Variants in PDE4D observed in about 807,000 individuals in gnomAD.
The protein encoded by PDE4D is phosphodiesterase 4D, also known as 3',5'-cyclic-AMP phosphodiesterase 4D.
PDE4D carries 24 observed loss-of-function variants against 87.4 expected under a neutral mutation model. The ratio of observed to expected loss-of-function variants is 0.27; its 90% confidence interval spans 0.20 to 0.39. The LOEUF is 0.39. Among genes scored for constraint, PDE4D ranks in the 10% least tolerant of loss-of-function variants. PDE4D has a pLI of 1.00. For missense variants in PDE4D, 714 were observed against 1,041.0 expected (o/e 0.69, Z 4.32); for synonymous variants, 384 against 383.2 (o/e 1.00, Z -0.02).
At chr5:59,837,869 C>G (rs1474871393) in intron 1 of PDE4D, among the ~76,000 whole-genome samples, 1 of 152,012 alleles carries the variant, frequency 6.6e-6, no homozygotes, top group African/African-American at 2.4e-5. Flanking sequence ...TGAACTCATT[C>G]TTCTATACAT....
At chr5:60,510,754 G>A (rs1461923431) in intron 1 of PDE4D, among the ~76,000 whole-genome samples, 2 of 152,124 alleles carry the variant, frequency 1.3e-5, no homozygotes, top group Non-Finnish European at 2.9e-5. Context: ...GATAATTTCT[G>A]GAAAAAGTAT....
intron 6 of PDE4D, among the ~76,000 whole-genome samples, chr5:59,008,033 T>C (rs1225086854): frequency 6.6e-6 from 1 of 152,054 alleles, no homozygotes; most frequent in Non-Finnish European, 1.5e-5. Context: ...TTGATACAGT[T>C]TGAATTCATA....
At chr5:59,940,985 C>T (rs1757116259) in intron 3 of PDE4D, among the ~76,000 whole-genome samples, 1 of 152,036 alleles carries the variant, frequency 6.6e-6, no homozygotes. Flanking sequence ...TGTTTCTTTC[C>T]ATGCTTTGTG....
intron 6 of PDE4D, among the ~76,000 whole-genome samples, chr5:59,035,798 A>G (rs1280125071): frequency 6.6e-6 from 1 of 152,170 alleles, no homozygotes; most frequent in East Asian, 1.9e-4. Context: ...ATTACCCTCA[A>G]TTGTAGCAAT....
At position 60,136,287 on chromosome 5, in the gene PDE4D, A is replaced by G. The variant is rs144175877; in HGVS notation, c.42+49270T>C. Among the ~76,000 whole-genome samples the G allele has an allele frequency of 3.7e-4, 56 of 151,384 alleles. No individual in the cohort carries two copies. In the East Asian group the frequency reaches 0.01, roughly 28 times the overall value. On this transcript the variant is annotated intron_variant, in intron 2 of 16. Transcript: ENST00000502484. The stretch of plus-strand genomic sequence containing the variant: ...AAGAAATTAACCTTTCTTTCCTGTT[A>G]GATTGTGTCTTGTTATTTCTGGACT...
intron 5 of PDE4D, among the ~76,000 whole-genome samples, chr5:59,045,320 G>A (rs939842388): frequency 5.3e-5 from 8 of 152,132 alleles, no homozygotes; most frequent in South Asian, 2.1e-4. Flanking sequence ...TTGGGAGGCC[G>A]AGGTGGGTGG....
At chr5:60,047,377 C>T (rs1010982527) in intron 2 of PDE4D, among the ~76,000 whole-genome samples, 34 of 152,060 alleles carry the variant, frequency 2.2e-4, no homozygotes, top group Admixed American at 1.3e-3. Context: ...TTCAGTTCTG[C>T]TCTGATTTTA....
At chr5:60,317,092 A>T (rs1267119243) in intron 1 of PDE4D, among the ~76,000 whole-genome samples, 1 of 152,194 alleles carries the variant, frequency 6.6e-6, no homozygotes, top group East Asian at 1.9e-4. Flanking sequence ...CTCTGGTAGA[A>T]TTCAGCTGTG....
chr5:59,812,241 T>G (rs954449586), intron 1 of PDE4D, among the ~76,000 whole-genome samples: 4 of 152,214 alleles, frequency 2.6e-5, no homozygotes, highest in African/African-American at 4.8e-5. Context: ...TCTCCTTTTA[T>G]CTACTACCGC....
intron 1 of PDE4D, among the ~76,000 whole-genome samples, chr5:60,463,390 A>G (rs546648013): frequency 6.6e-6 from 1 of 152,106 alleles, no homozygotes; most frequent in Non-Finnish European, 1.5e-5. Context: ...ACACACACAC[A>G]CAATTTCTAC....
At chr5:59,783,232 T>G (rs988043102) in intron 1 of PDE4D, among the ~76,000 whole-genome samples, 1 of 152,170 alleles carries the variant, frequency 6.6e-6, no homozygotes, top group Admixed American at 6.5e-5. Context: ...TTTTATAAAT[T>G]TCAGTGCCTG....
intron 3 of PDE4D, among the ~76,000 whole-genome samples, chr5:59,921,721 T>C (rs1417962717): frequency 2.6e-5 from 4 of 152,208 alleles, no homozygotes; most frequent in African/African-American, 9.7e-5. Flanking sequence ...TAAGGAAGTC[T>C]GGTTTATCAA....
At chr5:59,271,742 A>C (rs1032694615) in intron 1 of PDE4D, among the ~76,000 whole-genome samples, 1 of 152,122 alleles carries the variant, frequency 6.6e-6, no homozygotes, top group Admixed American at 6.6e-5. Flanking sequence ...ATTGTGGTTT[A>C]ATGTCTAAGT....
chr5:59,512,952 C>G lies in PDE4D; in HGVS notation c.456-296984G>C, dbSNP rs543210337. 3.9e-5 allele frequency among the ~76,000 whole-genome samples: 6 copies of G among 152,138 alleles called. No individual in the cohort carries two copies. The South Asian group carries it at 1.2e-3, about 32-fold the overall frequency. ...TATAAGATTCCAATATTTTATTTGA[C>G]TATACAGTTTAGGTTGTTTTTCCCA... On this transcript the variant is annotated intron_variant, in intron 1 of 14. Transcript: ENST00000340635.
At chr5:59,750,095 TTTTTTTTTTA>T (rs1050482504) in intron 1 of PDE4D, among the ~76,000 whole-genome samples, 1 of 151,658 alleles carries the variant, frequency 6.6e-6, no homozygotes, top group African/African-American at 2.4e-5. Flanking sequence ...TTTTTTTTTT[TTTTTTTTTTA>T]ACTACTTTTA....
chr5:60,316,172 G>A (rs1001602890), intron 1 of PDE4D, among the ~76,000 whole-genome samples: 22 of 152,146 alleles, frequency 1.4e-4, no homozygotes, highest in African/African-American at 5.1e-4. Flanking sequence ...TTAAGCAGTG[G>A]TTTGTAGTTC....
At chr5:59,570,795 A>G (rs1821705445) in intron 1 of PDE4D, among the ~76,000 whole-genome samples, 1 of 152,238 alleles carries the variant, frequency 6.6e-6, no homozygotes, top group Non-Finnish European at 1.5e-5. Context: ...TAGATTAAGT[A>G]ATACAATGAA....
At chr5:60,465,153 T>G in intron 1 of PDE4D, among the ~76,000 whole-genome samples, 1 of 151,984 alleles carries the variant, frequency 6.6e-6, no homozygotes, top group East Asian at 1.9e-4. Flanking sequence ...AAAATTTAAT[T>G]TATTAAATGC....
intron 1 of PDE4D, among the ~76,000 whole-genome samples, chr5:59,426,998 TACACACACACACACACACAC>T (rs3061709): frequency 0.22 from 27,298 of 125,152 alleles, 2,640 homozygotes; most frequent in Admixed American, 0.26. Flanking sequence ...CTTGAAGCTA[TACACACACACACACACACAC>T]ACACACACAC....
Sources: gnomAD v4.1 joint callset for allele counts (sites outside exome capture counted in the v4.1 genomes callset) on GRCh38, gnomAD v4.1.1 for gene constraint, MANE v1.5 for transcripts, NCBI Gene and HGNC (gene_info 2026-07-23, HGNC 2026-07-21) for gene names.